KAZN: variants seen among roughly 807,000 people sequenced by gnomAD.
The protein encoded by KAZN is kazrin.
In KAZN, 40 loss-of-function variants were observed where a neutral mutation model predicts 87.4. That is an observed-to-expected ratio of 0.46 (90% confidence interval 0.36 to 0.60). KAZN has a LOEUF of 0.60. Ranked by LOEUF, KAZN falls within the 20% of genes least tolerant of loss-of-function variation. KAZN has a pLI of 0.00. For synonymous variants in KAZN, 466 were observed against 458.3 expected (o/e 1.02, Z -0.22); for missense variants, 898 against 1,073.9 (o/e 0.84, Z 2.29).
chr1:14,528,510 A>G (rs1186838737), intron 2 of KAZN, among the ~76,000 whole-genome samples: 2 of 151,870 alleles, frequency 1.3e-5, no homozygotes, highest in Non-Finnish European at 2.9e-5. Context: ...CCCGACCAGT[A>G]CAGTGGCTCA....
intron 1 of KAZN, among the ~76,000 whole-genome samples, chr1:14,622,336 A>T (rs1048303555): frequency 1.3e-5 from 2 of 152,194 alleles, no homozygotes. Context: ...AATACAACAG[A>T]CAGTGATAAA....
In KAZN at chr1:14,051,491, A is replaced by G. The variant is rs563848395; in HGVS notation, c.92-128944A>G. ...AATTTCTGGGAAGTAATATGTTTGC[A>G]TCATGCACTGCAAGGTATTGAATTA... is the stretch of plus-strand genomic sequence containing the variant. On this transcript the variant is annotated intron_variant, in intron 1 of 16. Transcript: ENST00000636203. Among the ~76,000 whole-genome samples, 23 of 152,330 alleles carry G rather than the reference A, an allele frequency of 1.5e-4. No individual in the cohort carries two copies. The South Asian group carries it at 4.8e-3, about 32-fold the overall frequency.
chr1:15,099,497 G>A lies in KAZN; in HGVS notation c.1548-2046G>A, dbSNP rs1245955871. Among the ~76,000 whole-genome samples the A allele has an allele frequency of 6.6e-6, 1 of 152,190 alleles. No homozygotes were observed. The highest frequency in any genetic ancestry group is 1.5e-5 in the Non-Finnish European group (1 of 68,026). On this transcript the variant is annotated intron_variant, in intron 10 of 14. Transcript: ENST00000376030. This position sits in a 1 kb window ranked among gnomAD's most constrained non-coding sequence, Gnocchi z 5.4. ...GGGAGATTTGACGCCCAAGGGATGA[G>A]GAGGGGTGAGCCCTGGGCAGGGTTG...
intron 1 of KAZN, among the ~76,000 whole-genome samples, chr1:14,860,901 G>T (rs1650759247): frequency 6.6e-6 from 1 of 152,160 alleles, no homozygotes; most frequent in African/African-American, 2.4e-5. Context: ...TGGCACTGGG[G>T]TTGGTCATGA....
chr1:14,977,309 G>A (rs1475135587), intron 2 of KAZN, among the ~76,000 whole-genome samples: 1 of 152,214 alleles, frequency 6.6e-6, no homozygotes, highest in Non-Finnish European at 1.5e-5. Flanking sequence ...CAATTTGCTG[G>A]CCAGGACCTC....
At chr1:14,577,075 C>T (rs995257473) in intron 2 of KAZN, among the ~76,000 whole-genome samples, 2 of 152,160 alleles carry the variant, frequency 1.3e-5, no homozygotes, top group African/African-American at 4.8e-5. Flanking sequence ...GGTTAGAAAC[C>T]AGCGTGTAAT....
intron 1 of KAZN, among the ~76,000 whole-genome samples, chr1:14,749,708 G>A (rs1225300004): frequency 6.6e-6 from 1 of 152,128 alleles, no homozygotes; most frequent in Non-Finnish European, 1.5e-5. Context: ...ACAGGCACCA[G>A]GCCTCCCATT....
In KAZN at chr1:15,103,454, C is replaced by T. The variant is rs1328318350; in HGVS notation, c.1875C>T (p.Asp625=). 21 of 1,547,882 alleles carry T rather than the reference C, an allele frequency of 1.4e-5. No individual in the cohort carries two copies. The highest frequency in any genetic ancestry group is 1.8e-5 in the Non-Finnish European group (21 of 1,146,068). The change falls in exon 12 of 15, where the codon GAC becomes GAT. Residue 625 remains aspartate, a synonymous_variant. Transcript: ENST00000376030. The part of the protein sequence containing the change: ...QRVLKWVRDI[D]LKEYADNLTN... The stretch of plus-strand genomic sequence containing the variant: ...TGCTCAAGTGGGTTCGAGACATCGA[C>T]CTGAAGGTGAGGGTGATAGCGGAGG...
intron 2 of KAZN, among the ~76,000 whole-genome samples, chr1:14,274,549 G>C (rs1203940609): frequency 6.6e-6 from 1 of 152,174 alleles, no homozygotes; most frequent in East Asian, 1.9e-4. Context: ...AATAGAACAG[G>C]CTGGCTTGAG....
intron 1 of KAZN, among the ~76,000 whole-genome samples, chr1:14,922,066 A>C (rs917682612): frequency 5.3e-5 from 8 of 152,248 alleles, no homozygotes; most frequent in African/African-American, 1.9e-4. Flanking sequence ...GTCTCTATCA[A>C]AAGTATAATT....
chr1:14,724,517 G>A (rs1156435958), intron 1 of KAZN, among the ~76,000 whole-genome samples: 22 of 152,156 alleles, frequency 1.4e-4, no homozygotes, highest in Non-Finnish European at 7.3e-5. Flanking sequence ...CTGGGTCCTC[G>A]AATGAGTCAC....
intron 2 of KAZN, among the ~76,000 whole-genome samples, chr1:14,311,739 T>C (rs1655316037): frequency 6.6e-6 from 1 of 151,928 alleles, no homozygotes; most frequent in Non-Finnish European, 1.5e-5. Context: ...GATGGATGGA[T>C]GGAAGGATGA....
intron 1 of KAZN, among the ~76,000 whole-genome samples, chr1:14,904,218 A>G (rs1234539406): frequency 6.7e-6 from 1 of 150,328 alleles, no homozygotes; most frequent in African/African-American, 2.4e-5. Flanking sequence ...GGGTTTAAGA[A>G]TTGCCTCACT....
At chr1:14,357,872 G>A (rs1659170054) in intron 2 of KAZN, among the ~76,000 whole-genome samples, 1 of 152,134 alleles carries the variant, frequency 6.6e-6, no homozygotes. Flanking sequence ...AGGGATATTA[G>A]CCTGAAACTT....
In KAZN at chr1:14,288,332, TATTA is replaced by T. The variant is rs537677554; in HGVS notation, c.249+107745_249+107748del. 1.5e-4 allele frequency among the ~76,000 whole-genome samples: 23 copies of T among 152,334 alleles called. No homozygotes were observed. The South Asian group carries it at 3.1e-3, about 21-fold the overall frequency. ...CCTGGACTTTTTTTGGTTGGTAGGC[TATTA>T]ATTATTGCCTCAATTTCAGAGCCTG... is the stretch of plus-strand genomic sequence containing the variant. On this transcript the variant is annotated intron_variant, in intron 2 of 16. Coordinates refer to the KAZN transcript ENST00000636203.
chr1:14,308,549 C>A (rs1224590335), intron 2 of KAZN, among the ~76,000 whole-genome samples: 1 of 152,214 alleles, frequency 6.6e-6, no homozygotes, highest in East Asian at 1.9e-4. Flanking sequence ...TTAAAAATTG[C>A]AAAATGTTAT....
At chr1:14,602,141 C>A (rs1356729477) in intron 1 of KAZN, among the ~76,000 whole-genome samples, 29 of 152,068 alleles carry the variant, frequency 1.9e-4, no homozygotes, top group Admixed American at 1.8e-3. Flanking sequence ...GTTTTCCTAG[C>A]GGGTTAATGC....
At chr1:14,101,745 G>C (rs575244330) in intron 1 of KAZN, among the ~76,000 whole-genome samples, 1 of 152,210 alleles carries the variant, frequency 6.6e-6, no homozygotes, top group South Asian at 2.1e-4. Flanking sequence ...AATTGTCAGC[G>C]TGGAAGTAAG....
chr1:14,499,308 AGT>A (rs1418102751), intron 2 of KAZN, among the ~76,000 whole-genome samples: 3 of 152,312 alleles, frequency 2.0e-5, no homozygotes, highest in South Asian at 2.1e-4. Flanking sequence ...ATCACTGCTA[AGT>A]GCACTTCTCT....
Sources: allele counts gnomAD v4.1 joint callset (sites outside exome capture counted in the v4.1 genomes callset), GRCh38; gene constraint gnomAD v4.1.1; non-coding constraint Gnocchi (gnomAD v3.1); transcripts MANE v1.5; gene names NCBI Gene and HGNC (gene_info 2026-07-23, HGNC 2026-07-21).